Variants in ST3GAL6 observed in about 807,000 individuals in gnomAD.
ST3GAL6 encodes type 2 lactosamine alpha-2,3-sialyltransferase.
A neutral mutation model predicts 40.5 loss-of-function variants in ST3GAL6; 31 were observed. The ratio of observed to expected loss-of-function variants is 0.77; its 90% CI spans 0.58 to 1.03. ST3GAL6 has a LOEUF of 1.03. ST3GAL6 is among the 50% of genes least tolerant of loss of function. ST3GAL6 has a pLI of 0.00. For missense variants in ST3GAL6, 357 were observed against 393.2 expected (o/e 0.91, Z 0.78); for synonymous variants, 129 against 136.9 (o/e 0.94, Z 0.40).
At chr3:98,748,270 T>G (rs1186933278) in intron 1 of ST3GAL6, among the ~76,000 whole-genome samples, 1 of 152,182 alleles carries the variant, frequency 6.6e-6, no homozygotes, top group Non-Finnish European at 1.5e-5. Flanking sequence ...CAAACCAGCC[T>G]TGATACCTTT....
intron 1 of ST3GAL6, among the ~76,000 whole-genome samples, chr3:98,768,133 A>G (rs576017200): frequency 1.3e-5 from 2 of 152,292 alleles, no homozygotes; most frequent in East Asian, 1.9e-4. Flanking sequence ...TGAAGGAATT[A>G]TTTCTTTCTT....
chr3:98,793,264 TA>T (rs1266694587), intron 9 of ST3GAL6, among the ~76,000 whole-genome samples: 1 of 152,240 alleles, frequency 6.6e-6, no homozygotes, highest in Non-Finnish European at 1.5e-5. Flanking sequence ...TATAGAACAG[TA>T]ATTTTTAACA....
At chr3:98,755,473 T>C (rs1342513932) in intron 1 of ST3GAL6, among the ~76,000 whole-genome samples, 1 of 152,210 alleles carries the variant, frequency 6.6e-6, no homozygotes, top group African/African-American at 2.4e-5. Context: ...GATAAGGATG[T>C]TGCCATTTTT....
intron 1 of ST3GAL6, among the ~76,000 whole-genome samples, chr3:98,740,350 C>T (rs1319037322): frequency 2.0e-5 from 3 of 148,082 alleles, no homozygotes; most frequent in Non-Finnish European, 4.4e-5. Flanking sequence ...CAATGATTTT[C>T]ATTATTTTTT....
chr3:98,777,208 C>T (rs1212345897), intron 5 of ST3GAL6, among the ~76,000 whole-genome samples: 1 of 152,202 alleles, frequency 6.6e-6, no homozygotes, highest in Non-Finnish European at 1.5e-5. Flanking sequence ...GGGCATCTCC[C>T]AGAAATCCCA....
upstream of ST3GAL6, among the ~76,000 whole-genome samples, chr3:98,761,152 C>G (rs372802381): frequency 2.7e-4 from 41 of 152,220 alleles, no homozygotes; most frequent in South Asian, 7.5e-3. Flanking sequence ...TTACCTGATA[C>G]ACTTAAAAGT....
At position 98,793,926 on chromosome 3, in the gene ST3GAL6, TAACTTATGAA is replaced by T; in HGVS notation, c.*169_*178del. On this transcript the variant is annotated 3_prime_UTR_variant, in exon 10 of 10. Transcript: ENST00000483910. ...TTAATTTCTGTGAATACTGTATATT[TAACTTATGAA>T]AACCAAGAAATGTAAAGATAACAGG... is the stretch of plus-strand genomic sequence containing the variant. 1 of 406,868 alleles carries T rather than the reference TAACTTATGAA, an allele frequency of 2.5e-6. No individual in the cohort carries two copies. 25.2% of individuals were successfully genotyped at this position (406,868 alleles called of 1,614,324 possible). A position where few individuals can be genotyped will look rare whatever the true frequency, so the allele number is the denominator to read the frequency against.
At chr3:98,782,721 A>G (rs1940257871) in intron 5 of ST3GAL6, 3 of 473,352 alleles carry the variant, frequency 6.3e-6, no homozygotes, top group Admixed American at 2.8e-5. Context: ...GAGGAGGCCA[A>G]TGGCGTGTCC....
At chr3:98,748,995 ATTAC>A (rs1215363639) in intron 1 of ST3GAL6, among the ~76,000 whole-genome samples, 1 of 152,178 alleles carries the variant, frequency 6.6e-6, no homozygotes, top group African/African-American at 2.4e-5. Context: ...GAACTTGATG[ATTAC>A]TTGTGAACTA....
chr3:98,743,299 GCGTGA>G (rs964974820), intron 1 of ST3GAL6, among the ~76,000 whole-genome samples: 4 of 151,164 alleles, frequency 2.6e-5, no homozygotes, highest in Admixed American at 2.6e-4. Flanking sequence ...AGGATTACAG[GCGTGA>G]GCCACTGTGC....
upstream of ST3GAL6, among the ~76,000 whole-genome samples, chr3:98,759,390 AC>A (rs1937581725): frequency 6.6e-6 from 1 of 152,150 alleles, no homozygotes; most frequent in Non-Finnish European, 1.5e-5. Flanking sequence ...GGAACTGAAA[AC>A]CGTAGAGATC....
rs528363078 is a variant in ST3GAL6 at position 98,794,098 on chromosome 3, T to G, written c.*337T>G. On this transcript the variant is annotated 3_prime_UTR_variant, in exon 10 of 10. Coordinates refer to ENST00000483910, the MANE Select transcript of ST3GAL6 (RefSeq NM_001323368.2). ...CTAAGGATTTAGTTTACCACAACAA[T>G]TCTGACTACAATAAGACATTTTGAG... 6.1e-6 allele frequency: 1 copy of G among 163,274 alleles called. No individual in the cohort carries two copies. The highest frequency in any genetic ancestry group is 1.3e-5 in the Non-Finnish European group (1 of 75,298). The allele number at this position is 163,274 out of a possible 1,614,324, so 10.1% of individuals were successfully genotyped here.
chr3:98,738,148 T>C (rs377462322), intron 1 of ST3GAL6, among the ~76,000 whole-genome samples: 55 of 132,968 alleles, frequency 4.1e-4, no homozygotes, highest in African/African-American at 1.4e-3. Flanking sequence ...CTGCTTCCCC[T>C]TCACCTTTTG....
At chr3:98,739,209 G>A (rs1361771224) in intron 1 of ST3GAL6, among the ~76,000 whole-genome samples, 18 of 152,050 alleles carry the variant, frequency 1.2e-4, no homozygotes, top group Admixed American at 1.2e-3. Context: ...TGCTAAGAGG[G>A]AAGTTTATAG....
chr3:98,772,713 T>G, intron 3 of ST3GAL6, 100 bp from the exon 4 acceptor site: 2 of 701,960 alleles, frequency 2.8e-6, no homozygotes, highest in Non-Finnish European at 5.0e-6. Context: ...GCCAGTATAA[T>G]GATATGGATT....
At chr3:98,774,128 CA>C in intron 5 of ST3GAL6, 145 bp downstream of exon 5, 1 of 611,834 alleles carries the variant, frequency 1.6e-6, no homozygotes, top group Non-Finnish European at 2.9e-6. Context: ...AGTAATTTGA[CA>C]CTTAAATACC....
At chr3:98,739,094 G>C (rs1210607262) in intron 1 of ST3GAL6, among the ~76,000 whole-genome samples, 1 of 152,156 alleles carries the variant, frequency 6.6e-6, no homozygotes, top group Non-Finnish European at 1.5e-5. Flanking sequence ...ACTTGCTCCT[G>C]AATGACTTTT....
intron 1 of ST3GAL6, among the ~76,000 whole-genome samples, chr3:98,741,521 G>T (rs1418406725): frequency 6.6e-6 from 1 of 152,132 alleles, no homozygotes; most frequent in African/African-American, 2.4e-5. Context: ...GGATTGAGAA[G>T]TGCACAAAGT....
upstream of ST3GAL6, among the ~76,000 whole-genome samples, chr3:98,759,537 G>A (rs1398983729): frequency 6.6e-6 from 1 of 152,068 alleles, no homozygotes; most frequent in Non-Finnish European, 1.5e-5. Context: ...GTGCTGGAGG[G>A]GAACCCGTGT....
Sources: allele counts gnomAD v4.1 joint callset (sites outside exome capture counted in the v4.1 genomes callset), GRCh38; gene constraint gnomAD v4.1.1; transcripts MANE v1.5; gene names NCBI Gene and HGNC (gene_info 2026-07-23, HGNC 2026-07-21).